Variants in PTPN4 observed in about 807,000 individuals in gnomAD.
PTPN4 encodes protein tyrosine phosphatase non-receptor type 4.
Under a neutral mutation model 135.5 loss-of-function variants are expected in PTPN4, and 49 were observed. The ratio of observed to expected loss-of-function variants is 0.36; its 90% CI spans 0.29 to 0.46. The LOEUF is 0.46. PTPN4 is among the 20% of genes least tolerant of loss of function. The probability of loss-of-function intolerance (pLI) is 1.00; values close to 1 mark genes in which losing one functional copy is unlikely to be tolerated. For synonymous variants in PTPN4, 333 were observed against 369.9 expected, an observed-to-expected ratio of 0.90 and a Z score of 1.14; for missense variants, 860 against 1,101.0, an observed-to-expected ratio of 0.78 and a Z score of 3.10.
In PTPN4 at chr2:119,978,009, CT is replaced by C. The variant is rs1325747959; in HGVS notation, c.*940del. 4 of 152,156 alleles carry C rather than the reference CT, an allele frequency of 2.6e-5. No individual in the cohort carries two copies. 9.4% of individuals were successfully genotyped at this position (152,156 alleles called of 1,614,324 possible). A position where few individuals can be genotyped will look rare whatever the true frequency, so the allele number is the denominator to read the frequency against. On this transcript the variant is annotated 3_prime_UTR_variant, in exon 27 of 27. Transcript: ENST00000263708. The stretch of plus-strand genomic sequence containing the variant: ...AGGAAATTCTGTTTCTTACTCAGTA[CT>C]CGTGATTTGCTATAAGAAGCAAAGA...
intron 13 of PTPN4, 142 bp from the exon 14 acceptor site, chr2:119,932,282 C>G: frequency 2.6e-6 from 2 of 781,482 alleles, no homozygotes; most frequent in Admixed American, 3.2e-5. Flanking sequence ...TAAATAGCCT[C>G]TAAATGCATT....
At chr2:119,894,406 T>G (rs1159119058) in intron 9 of PTPN4, among the ~76,000 whole-genome samples, 1 of 152,230 alleles carries the variant, frequency 6.6e-6, no homozygotes, top group Non-Finnish European at 1.5e-5. Context: ...GACACAGCAT[T>G]ATTTTATTTT....
chr2:119,896,654 T>C (rs1313404693), intron 9 of PTPN4, among the ~76,000 whole-genome samples: 1 of 152,202 alleles, frequency 6.6e-6, no homozygotes, highest in East Asian at 1.9e-4. Flanking sequence ...TAATATATTT[T>C]TGTTTTTATT....
rs528496883 is a variant in PTPN4 at position 119,783,140 on chromosome 2, A to G, written c.-18+22756A>G. Reference sequence around the variant, plus strand: ...CATTTGCATTCATTCATTTGAGTTCAGTTTTCACTCATTCGTATTCATTCA... The same window carrying G: ...CATTTGCATTCATTCATTTGAGTTCGGTTTTCACTCATTCGTATTCATTCA... On this transcript the variant is annotated intron_variant, in intron 1 of 26. Transcript: ENST00000263708. Among the ~76,000 whole-genome samples the G allele has an allele frequency of 7.9e-5, 12 of 152,192 alleles. No homozygotes were observed. The South Asian group carries it at 1.2e-3, about 16-fold the overall frequency.
At chr2:119,794,055 C>T (rs1029147471) in intron 1 of PTPN4, among the ~76,000 whole-genome samples, 19 of 151,510 alleles carry the variant, frequency 1.3e-4, no homozygotes, top group African/African-American at 4.4e-4. Context: ...GCCATATTGT[C>T]CAGGCTGGTC....
At chr2:119,933,738 T>A (rs1678942236) in intron 14 of PTPN4, among the ~76,000 whole-genome samples, 1 of 151,770 alleles carries the variant, frequency 6.6e-6, no homozygotes, top group Admixed American at 6.6e-5. Flanking sequence ...TTCTACCATA[T>A]CAGAACAGTT....
intron 3 of PTPN4, among the ~76,000 whole-genome samples, chr2:119,870,866 C>A (rs1159843727): frequency 6.6e-6 from 1 of 151,896 alleles, no homozygotes; most frequent in East Asian, 1.9e-4. Flanking sequence ...TTGTTATGAT[C>A]ATCCTAGGCA....
chr2:119,904,529 G>A (rs7573792), intron 10 of PTPN4, among the ~76,000 whole-genome samples: 62,144 of 151,892 alleles, frequency 0.41, 14,734 homozygotes, highest in African/African-American at 0.67. Flanking sequence ...ACGTAGAGAC[G>A]TTAAGATACC....
intron 1 of PTPN4, among the ~76,000 whole-genome samples, chr2:119,804,639 A>G (rs1281759588): frequency 6.6e-6 from 1 of 152,170 alleles, no homozygotes; most frequent in Non-Finnish European, 1.5e-5. Context: ...ATAGTATTCC[A>G]TGGTGTATAT....
In PTPN4 at chr2:119,983,112, A is replaced by C. The variant is rs1033379697; in HGVS notation, c.*6042A>C. The C allele has an allele frequency of 1.3e-5, 2 of 152,252 alleles. No individual in the cohort carries two copies. Among genetic ancestry groups the C allele is most frequent in the Admixed American group, 6.5e-5 (1 of 15,286 alleles). The allele number at this position is 152,252 out of a possible 1,614,324, so 9.4% of individuals were successfully genotyped here. On this transcript the variant is annotated 3_prime_UTR_variant, in exon 27 of 27. Coordinates refer to ENST00000263708, the MANE Select transcript of PTPN4 (RefSeq NM_002830.4). Reference sequence around the variant, plus strand: ...AACTCTTTGTTAAGTACTCAAGTACAAAGTGATCTCTTCTTTCATGAACTT... The same window carrying C: ...AACTCTTTGTTAAGTACTCAAGTACCAAGTGATCTCTTCTTTCATGAACTT...
At chr2:119,907,891 G>A (rs575701310) in intron 10 of PTPN4, among the ~76,000 whole-genome samples, 5 of 152,210 alleles carry the variant, frequency 3.3e-5, no homozygotes, top group African/African-American at 1.2e-4. Flanking sequence ...TGAGAAAACT[G>A]GGTATCTATT....
At chr2:119,788,810 T>C (rs1691089937) in intron 1 of PTPN4, among the ~76,000 whole-genome samples, 1 of 152,224 alleles carries the variant, frequency 6.6e-6, no homozygotes, top group Non-Finnish European at 1.5e-5. Context: ...TACCATATTT[T>C]GCTTATCTCC....
Position 119,980,219 on chromosome 2 carries a change from G to C in PTPN4, c.*3149G>C, listed in dbSNP as rs1350497932. 1 of 152,012 alleles carries C rather than the reference G, an allele frequency of 6.6e-6. No individual in the cohort carries two copies. Among genetic ancestry groups the C allele is most frequent in the East Asian group, 1.9e-4 (1 of 5,192 alleles). The allele number at this position is 152,012 out of a possible 1,614,324, so 9.4% of individuals were successfully genotyped here. ...TAAGACATTAAGACAATTGCTGGAA[G>C]GTTTCAAATATGTGTACACACACAT... On this transcript the variant is annotated 3_prime_UTR_variant, in exon 27 of 27. Coordinates refer to ENST00000263708, the MANE Select transcript of PTPN4 (RefSeq NM_002830.4).
chr2:119,932,681 C>T, intron 14 of PTPN4, 132 bp downstream of exon 14: 2 of 1,087,548 alleles, frequency 1.8e-6, no homozygotes, highest in Non-Finnish European at 1.3e-6. Context: ...ATTTTTGTTG[C>T]TCCAGAGCAT....
intron 11 of PTPN4, among the ~76,000 whole-genome samples, chr2:119,919,447 G>T (rs1050254133): frequency 6.6e-6 from 1 of 152,086 alleles, no homozygotes; most frequent in African/African-American, 2.4e-5. Context: ...CAGAGTCATA[G>T]CTAATGTTGA....
At chr2:119,768,938 T>A (rs1690686687) in intron 1 of PTPN4, among the ~76,000 whole-genome samples, 1 of 152,258 alleles carries the variant, frequency 6.6e-6, no homozygotes, top group African/African-American at 2.4e-5. Context: ...ATATTTTGCA[T>A]TCAGATTCGT....
At chr2:119,863,195 T>C (rs1168828389) in intron 3 of PTPN4, among the ~76,000 whole-genome samples, 2 of 152,092 alleles carry the variant, frequency 1.3e-5, no homozygotes, top group Non-Finnish European at 2.9e-5. Context: ...TTTAATTAGA[T>C]AGATCACATC....
At chr2:119,841,677 T>G (rs1677383689) in intron 2 of PTPN4, among the ~76,000 whole-genome samples, 1 of 151,900 alleles carries the variant, frequency 6.6e-6, no homozygotes. Context: ...TTTACACAAT[T>G]TATGTTCTCT....
At chr2:119,976,918 T>C in intron 26 of PTPN4, 66 bp from the exon 27 acceptor site, 4 of 1,549,818 alleles carry the variant, frequency 2.6e-6, no homozygotes, top group Non-Finnish European at 3.5e-6. Flanking sequence ...TTGTCTTTTT[T>C]GGGGGGAGAG....
Sources: gnomAD v4.1 joint callset for allele counts (sites outside exome capture counted in the v4.1 genomes callset) on GRCh38, gnomAD v4.1.1 for gene constraint, MANE v1.5 for transcripts, NCBI Gene and HGNC (gene_info 2026-07-23, HGNC 2026-07-21) for gene names.